Variants in BICRAL observed in about 807,000 individuals in gnomAD.
BICRAL encodes BICRA like chromatin remodeling complex associated protein, also known as BRD4-interacting chromatin-remodeling complex-associated protein-like.
Under a neutral mutation model 91.8 loss-of-function variants are expected in BICRAL, and 8 were observed. The observed-to-expected ratio is 0.09, with a 90% CI of 0.05 to 0.16. BICRAL has a LOEUF of 0.16. Among genes scored for constraint, BICRAL ranks in the 10% least tolerant of loss-of-function variants. BICRAL has a pLI of 1.00. For missense variants in BICRAL, 1,038 were observed against 1,310.9 expected (o/e 0.79, Z 3.21); for synonymous variants, 445 against 491.1 (o/e 0.91, Z 1.24).
chr6:42,851,695 C>T (rs1765185599), intron 6 of BICRAL, among the ~76,000 whole-genome samples: 1 of 152,158 alleles, frequency 6.6e-6, no homozygotes, highest in Non-Finnish European at 1.5e-5. Flanking sequence ...TGACCAGGTG[C>T]TTGGAGTCTG....
At chr6:42,781,797 T>TAAAA (rs1762916918), upstream of BICRAL, 2 of 149,416 alleles carry the variant, frequency 1.3e-5, no homozygotes, top group African/African-American at 4.9e-5. Context: ...AAAAAAAAAT[T>TAAAA]TTTTAAATTA....
intron 1 of BICRAL, among the ~76,000 whole-genome samples, chr6:42,799,044 A>G (rs921074426): frequency 1.3e-5 from 2 of 152,138 alleles, no homozygotes; most frequent in Non-Finnish European, 2.9e-5. Context: ...AGGGCTGACT[A>G]TATTAACAGT....
At chr6:42,803,915 C>T (rs912161553) in intron 1 of BICRAL, among the ~76,000 whole-genome samples, 1 of 152,228 alleles carries the variant, frequency 6.6e-6, no homozygotes, top group Non-Finnish European at 1.5e-5. Context: ...ATACTGAATA[C>T]TGTAGGCAAC....
At chr6:42,814,520 T>TATATATATATATA (rs1491538864) in intron 2 of BICRAL, among the ~76,000 whole-genome samples, 8 of 41,178 alleles carry the variant, frequency 1.9e-4, no homozygotes, top group African/African-American at 7.8e-4. Context: ...TATATATATA[T>TATATATATATATA]TTTTTTTTTT....
At chr6:42,761,092 G>T (rs1385708845) in intron 1 of BICRAL, among the ~76,000 whole-genome samples, 3 of 152,190 alleles carry the variant, frequency 2.0e-5, no homozygotes, top group Non-Finnish European at 4.4e-5. Context: ...TTCTGCACCT[G>T]TTCTCTCACG....
At chr6:42,854,721 A>T (rs556471339) in intron 8 of BICRAL, among the ~76,000 whole-genome samples, 1 of 151,844 alleles carries the variant, frequency 6.6e-6, no homozygotes, top group East Asian at 1.9e-4. Context: ...ACGTTTTGCC[A>T]TGTTGGCCAG....
intron 7 of BICRAL, 55 bp from the exon 8 acceptor site, chr6:42,853,583 A>T: frequency 7.7e-7 from 1 of 1,301,578 alleles, no homozygotes; most frequent in Non-Finnish European, 1.1e-6. Context: ...GGGTTATATG[A>T]TGGACCCAAT....
chr6:42,826,891 A>G (rs1764323423), intron 5 of BICRAL, among the ~76,000 whole-genome samples: 1 of 151,812 alleles, frequency 6.6e-6, no homozygotes, highest in Non-Finnish European at 1.5e-5. Context: ...GATTCAAGTG[A>G]TTCTCCTCCC....
rs560532159 is a variant in BICRAL at position 42,830,013 on chromosome 6, T to C, written c.1680T>C (p.Gly560=). The change falls in exon 6 of 13, where the codon GGT becomes GGC. Residue 560 remains glycine (G), a synonymous_variant. Coordinates refer to ENST00000314073, the MANE Select transcript of BICRAL (RefSeq NM_001393499.1). The part of the protein sequence containing the change: ...HPSLGSAVQS[G]SSGSNFTGDQ... ...GTCTTGGGTCTGCAGTTCAGTCTGG[T>C]TCATCAGGATCAAACTTTACAGGAG... 6.2e-7 allele frequency: 1 copy of C among 1,614,196 alleles called. No individual in the cohort carries two copies. Among genetic ancestry groups the C allele is most frequent in the Non-Finnish European group, 8.5e-7 (1 of 1,180,032 alleles).
intron 6 of BICRAL, among the ~76,000 whole-genome samples, chr6:42,831,825 G>A (rs1173320340): frequency 2.0e-5 from 3 of 150,306 alleles, no homozygotes; most frequent in Admixed American, 6.7e-5. Flanking sequence ...TGCAGCCTCC[G>A]CCTCCCAGCC....
At chr6:42,780,777 G>A (rs186143623), upstream of BICRAL, among the ~76,000 whole-genome samples, 107 of 151,812 alleles carry the variant, frequency 7.0e-4, 1 homozygote, top group East Asian at 0.02. Flanking sequence ...TTGCTGTGTC[G>A]CCCAGGCTAG....
intron 2 of BICRAL, among the ~76,000 whole-genome samples, chr6:42,817,201 A>C (rs574241240): frequency 6.0e-4 from 90 of 149,088 alleles, no homozygotes; most frequent in African/African-American, 2.0e-3. Flanking sequence ...TATTTCCCCC[A>C]CACACACATT....
At chr6:42,791,629 GT>G (rs1374628519) in intron 1 of BICRAL, among the ~76,000 whole-genome samples, 1 of 152,088 alleles carries the variant, frequency 6.6e-6, no homozygotes, top group Non-Finnish European at 1.5e-5. Flanking sequence ...AATGGGTTTG[GT>G]TTTTGTTTTT....
chr6:42,820,343 G>T (rs563734117), intron 2 of BICRAL, among the ~76,000 whole-genome samples: 1 of 152,054 alleles, frequency 6.6e-6, no homozygotes, highest in Non-Finnish European at 1.5e-5. Flanking sequence ...CAATTTAAGC[G>T]GTCATGTTAA....
intron 1 of BICRAL, among the ~76,000 whole-genome samples, chr6:42,775,072 A>G (rs573102493): frequency 5.3e-4 from 81 of 152,182 alleles, no homozygotes; most frequent in African/African-American, 1.9e-3. Context: ...AGTTGGGATT[A>G]CAGGTGCATG....
chr6:42,802,395 T>G (rs1428545813), intron 1 of BICRAL, among the ~76,000 whole-genome samples: 2 of 150,558 alleles, frequency 1.3e-5, no homozygotes, highest in East Asian at 1.9e-4. Flanking sequence ...AAGTAAGACT[T>G]ACTTTTGGCT....
rs760302489 is a variant in BICRAL, at chr6:42,853,682, G to A, written c.1990G>A (p.Ala664Thr). 7.4e-6 allele frequency: 12 copies of A among 1,613,872 alleles called. No individual in the cohort carries two copies. Among genetic ancestry groups the A allele is most frequent in the Middle Eastern group, 1.6e-4 (1 of 6,082 alleles). ...SKVISASLGT[A>T]QPQQEKVVGS... ...AGTTATATCCGCATCCTTAGGAACC[G>A]CACAACCACAGCAGGAAAAAGTAGT... Residue 664 changes from alanine (A) to threonine (T), a missense_variant, in exon 8 of 13, where the codon GCA (alanine) becomes ACA (threonine). By Grantham distance (58) the Ala-to-Thr change is moderately conservative. Around this residue, in one of 5 missense-constraint regions of BICRAL, gnomAD observed 532 missense variants for 724.9 expected, o/e 0.73. Coordinates refer to ENST00000314073, the MANE Select transcript of BICRAL (RefSeq NM_001393499.1).
intron 12 of BICRAL, among the ~76,000 whole-genome samples, chr6:42,863,262 A>G (rs191786179): frequency 1.3e-5 from 2 of 152,062 alleles, no homozygotes; most frequent in Non-Finnish European, 2.9e-5. Flanking sequence ...GTTAGCCAGG[A>G]TGGTCTCCAT....
chr6:42,853,990 A>G (rs1051025104), intron 8 of BICRAL, among the ~76,000 whole-genome samples: 3 of 152,224 alleles, frequency 2.0e-5, no homozygotes, highest in African/African-American at 7.2e-5. Context: ...TTCCTCATGA[A>G]TTAGTAATAT....
Sources: allele counts gnomAD v4.1 joint callset (sites outside exome capture counted in the v4.1 genomes callset), GRCh38; gene constraint gnomAD v4.1.1; regional missense constraint gnomAD v4.1.1; transcripts MANE v1.5; gene names NCBI Gene and HGNC (gene_info 2026-07-23, HGNC 2026-07-21).